Variants in YWHAE observed in about 807,000 individuals in gnomAD.
The protein encoded by YWHAE is tyrosine 3-monooxygenase/tryptophan 5-monooxygenase activation protein epsilon.
A neutral mutation model predicts 30.1 loss-of-function variants in YWHAE; 4 were observed. The ratio of observed to expected loss-of-function variants is 0.13; its 90% CI spans 0.07 to 0.30. YWHAE has a LOEUF of 0.30. YWHAE is among the 10% of genes least tolerant of loss of function. The pLI, the probability that YWHAE is intolerant of heterozygous loss-of-function variation, is 1.00. For synonymous variants in YWHAE, 118 were observed against 111.8 expected, an observed-to-expected ratio of 1.06 and a Z score of -0.35; for missense variants, 121 against 315.9, an observed-to-expected ratio of 0.38 and a Z score of 4.68.
intron 4 of YWHAE, among the ~76,000 whole-genome samples, chr17:1,355,148 A>AAAAAAAAAAAAAATT (rs1555639303): frequency 5.2e-5 from 4 of 76,796 alleles, no homozygotes; most frequent in Non-Finnish European, 5.3e-5. Context: ...AAAAAAAAAA[A>AAAAAAAAAAAAAATT]TTTTTTTTTT....
chr17:1,387,915 T>C (rs1441085243), intron 1 of YWHAE, among the ~76,000 whole-genome samples: 2 of 138,562 alleles, frequency 1.4e-5, no homozygotes, highest in African/African-American at 2.8e-5. Context: ...AGTGAGCCAC[T>C]GCACCTGGCT....
rs975144766 is a variant in YWHAE, at chr17:1,400,171, T to A, written c.-61A>T. Reference sequence around the variant, plus strand: ...TGGAAGCGGATAGTGTCTCCGACTCTCTCAGCCTCTCGCTCCGCGTCCGGG... The same window carrying A: ...TGGAAGCGGATAGTGTCTCCGACTCACTCAGCCTCTCGCTCCGCGTCCGGG... On this transcript the variant is annotated 5_prime_UTR_variant, in exon 1 of 6. Coordinates refer to ENST00000264335, the MANE Select transcript of YWHAE (RefSeq NM_006761.5). 10 of 1,594,082 alleles carry A rather than the reference T, an allele frequency of 6.3e-6. No individual in the cohort carries two copies. The African/African-American group carries it at 6.7e-5, about 11-fold the overall frequency.
chr17:1,376,258 A>C (rs2073119963), intron 1 of YWHAE, among the ~76,000 whole-genome samples: 1 of 152,216 alleles, frequency 6.6e-6, no homozygotes, highest in Admixed American at 6.6e-5. Flanking sequence ...TACCAGAGAA[A>C]CAAGTTTCAC....
intron 4 of YWHAE, among the ~76,000 whole-genome samples, chr17:1,358,212 G>A (rs995714791): frequency 1.3e-5 from 2 of 152,082 alleles, no homozygotes; most frequent in African/African-American, 4.8e-5. Context: ...AACACAGCCA[G>A]ACCCTGCCTC....
chr17:1,378,866 G>A (rs1014038019), intron 1 of YWHAE, among the ~76,000 whole-genome samples: 1 of 151,674 alleles, frequency 6.6e-6, no homozygotes, highest in Non-Finnish European at 1.5e-5. Context: ...AGAATCGCTT[G>A]AACCTGGGAG....
intron 1 of YWHAE, among the ~76,000 whole-genome samples, chr17:1,387,921 T>C (rs2073323856): frequency 8.6e-6 from 1 of 115,714 alleles, no homozygotes; most frequent in Non-Finnish European, 1.7e-5. Flanking sequence ...CCACTGCACC[T>C]GGCTTTTTTT....
At chr17:1,392,748 G>A (rs937311761) in intron 1 of YWHAE, among the ~76,000 whole-genome samples, 5 of 151,970 alleles carry the variant, frequency 3.3e-5, no homozygotes, top group Non-Finnish European at 7.4e-5. Flanking sequence ...TACTCGGGAG[G>A]CTGAGGCAGG....
intron 5 of YWHAE, among the ~76,000 whole-genome samples, chr17:1,348,724 A>T (rs1034247663): frequency 1.3e-5 from 2 of 152,194 alleles, no homozygotes; most frequent in African/African-American, 2.4e-5. Flanking sequence ...TTTCAAAACC[A>T]ATTTATTAAA....
At chr17:1,366,713 T>C (rs767788053) in intron 1 of YWHAE, among the ~76,000 whole-genome samples, 32 of 151,786 alleles carry the variant, frequency 2.1e-4, no homozygotes, top group Admixed American at 5.3e-4. Flanking sequence ...GAGGCCAAGG[T>C]GGGTGGATCG....
intron 1 of YWHAE, among the ~76,000 whole-genome samples, chr17:1,377,685 T>C (rs955549546): frequency 6.6e-5 from 10 of 152,120 alleles, no homozygotes; most frequent in African/African-American, 2.4e-4. Flanking sequence ...GGCTAATCAA[T>C]TAGCCAATGA....
At chr17:1,352,715 C>T (rs1281343374) in intron 5 of YWHAE, among the ~76,000 whole-genome samples, 4 of 152,014 alleles carry the variant, frequency 2.6e-5, no homozygotes, top group Non-Finnish European at 4.4e-5. Context: ...TTAGTAGGGA[C>T]GGGGTTTCCC....
chr17:1,381,678 G>T (rs746499744), intron 1 of YWHAE, among the ~76,000 whole-genome samples: 40 of 152,216 alleles, frequency 2.6e-4, no homozygotes, highest in Non-Finnish European at 4.3e-4. Flanking sequence ...CACTTTGGGA[G>T]GCCAACGCGG....
intron 1 of YWHAE, among the ~76,000 whole-genome samples, chr17:1,389,571 C>A (rs999780156): frequency 6.7e-6 from 1 of 150,096 alleles, no homozygotes; most frequent in Non-Finnish European, 1.5e-5. Context: ...CGCTCTGTTG[C>A]CCAGGCTGGA....
chr17:1,370,767 T>C (rs991655603), intron 1 of YWHAE, among the ~76,000 whole-genome samples: 2 of 151,640 alleles, frequency 1.3e-5, no homozygotes, highest in African/African-American at 4.8e-5. Context: ...GAGGCCGAGG[T>C]GGGCAGATCA....
intron 5 of YWHAE, among the ~76,000 whole-genome samples, chr17:1,347,665 C>T (rs538493359): frequency 6.6e-6 from 1 of 152,300 alleles, no homozygotes; most frequent in South Asian, 2.1e-4. Context: ...GGAACATTCA[C>T]TCTAACAGCA....
intron 1 of YWHAE, among the ~76,000 whole-genome samples, chr17:1,376,392 A>G (rs776661451): frequency 2.8e-5 from 2 of 72,040 alleles, no homozygotes; most frequent in Non-Finnish European, 6.1e-5. Context: ...AAGAAAAAGA[A>G]AGAGAGAGAA....
intron 1 of YWHAE, chr17:1,369,869 A>ATAACT (rs71373920): frequency 0.24 from 36,418 of 152,034 alleles, 5,051 homozygotes; most frequent in African/African-American, 0.38. Context: ...TAAACTGTAC[A>ATAACT]TAATTTAAAA....
chr17:1,373,018 G>A (rs910974112), intron 1 of YWHAE, among the ~76,000 whole-genome samples: 9 of 152,024 alleles, frequency 5.9e-5, no homozygotes, highest in African/African-American at 2.2e-4. Flanking sequence ...AAGGCGGGCA[G>A]ATCACATGAG....
intron 2 of YWHAE, among the ~76,000 whole-genome samples, chr17:1,364,222 T>C (rs1939538799): frequency 9.1e-6 from 1 of 110,106 alleles, no homozygotes; most frequent in Non-Finnish European, 1.7e-5. Context: ...ATATTGGTTT[T>C]TGGGTGCTTT....
Sources: allele counts gnomAD v4.1 joint callset (sites outside exome capture counted in the v4.1 genomes callset), GRCh38; gene constraint gnomAD v4.1.1; transcripts MANE v1.5; gene names NCBI Gene and HGNC (gene_info 2026-07-23, HGNC 2026-07-21).